Variants in IGSF22 observed in about 807,000 individuals in gnomAD.
The protein encoded by IGSF22 is immunoglobulin superfamily, member 22.
In IGSF22, 119 loss-of-function variants were observed where a neutral mutation model predicts 127.0. That is an observed-to-expected ratio of 0.94 (90% CI 0.81 to 1.09). The LOEUF (loss-of-function observed/expected upper bound fraction) is 1.09, where lower values mean the gene tolerates loss of function less well. Among genes scored for constraint, IGSF22 ranks in the 50% least tolerant of loss-of-function variants. The probability of loss-of-function intolerance (pLI) is 0.00; values close to 1 mark genes in which losing one functional copy is unlikely to be tolerated. For synonymous variants in IGSF22, 568 were observed against 664.7 expected, an observed-to-expected ratio of 0.85 and a Z score of 2.24; for missense variants, 1,518 against 1,716.6, an observed-to-expected ratio of 0.88 and a Z score of 2.04.
chr11:18,718,770 C>T, intron 7 of IGSF22, 42 bp from the exon 8 acceptor site: 3 of 1,202,032 alleles, frequency 2.5e-6, no homozygotes, highest in Non-Finnish European at 3.7e-6. Flanking sequence ...TCAGTGGTAC[C>T]CAAAGCCTGC....
At chr11:18,724,376 A>C (rs1351083059) in intron 1 of IGSF22, 107 bp from the exon 2 acceptor site, 1 of 596,618 alleles carries the variant, frequency 1.7e-6, no homozygotes, top group Non-Finnish European at 3.0e-6. Context: ...CACACAGGAG[A>C]GGGCCAGGAG....
intron 19 of IGSF22, 31 bp from the exon 20 acceptor site, chr11:18,708,027 T>A: frequency 2.5e-6 from 4 of 1,611,110 alleles, no homozygotes; most frequent in Non-Finnish European, 3.4e-6. Flanking sequence ...GCACAACTGG[T>A]CACACAGATG....
rs1351528718 is a variant in IGSF22, at chr11:18,719,714, A to G, written c.696+2T>C. 3 of 1,613,664 alleles carry G rather than the reference A, an allele frequency of 1.9e-6. No homozygotes were observed. Among genetic ancestry groups the G allele is most frequent in the African/African-American group, 2.7e-5 (2 of 74,824 alleles). ...GGCCCCTGCTCCCTGCAGGGTACTT[A>G]CCTCCACCTCTACTTTCTTCTTCAT... is the stretch of plus-strand genomic sequence containing the variant. On this transcript the variant is annotated splice_donor_variant, in intron 7 of 22. Coordinates refer to ENST00000513874, the MANE Select transcript of IGSF22 (RefSeq NM_173588.4). LOFTEE classifies it high-confidence loss of function.
In IGSF22 at chr11:18,720,060, T is replaced by A. The variant is rs1564875768; in HGVS notation, c.518+4A>T. The A allele has an allele frequency of 6.2e-7, 1 of 1,614,054 alleles. No individual in the cohort carries two copies. Among genetic ancestry groups the A allele is most frequent in the African/African-American group, 1.3e-5 (1 of 75,066 alleles). On this transcript the variant is annotated splice_donor_region_variant and intron_variant, in intron 6 of 22. Coordinates refer to ENST00000513874, the MANE Select transcript of IGSF22 (RefSeq NM_173588.4). ...TCTTGGGCAGAAGGACCTGCCAGCC[T>A]CACCTCTTCTTCAGCATCTTTTTGA...
Position 18,714,293 on chromosome 11 carries a change from GGCTTCACTTTCCGT to G in IGSF22, c.1768_1781del (p.Thr590LeufsTer79). The G allele has an allele frequency of 6.2e-7, 1 of 1,613,896 alleles. No individual in the cohort carries two copies. Among genetic ancestry groups the G allele is most frequent in the Non-Finnish European group, 8.5e-7 (1 of 1,179,892 alleles). ...GATCCATACCTGCGATGAATACAGAGGCTTCACTTTCCGTGCCCTTGGCCCGGAATGTGTACTTG... is the reference window on the plus strand; with the variant it reads ...GATCCATACCTGCGATGAATACAGAGGCCCTTGGCCCGGAATGTGTACTTG... On this transcript the variant is annotated frameshift_variant, in exon 13 of 23. Transcript: ENST00000513874. LOFTEE classifies it high-confidence loss of function.
rs1214994519 is a variant in IGSF22, at chr11:18,715,746, C to T, written c.1247-30G>A. The T allele has an allele frequency of 8.8e-6, 14 of 1,583,618 alleles. 1 individual carries two copies. In the East Asian group the frequency reaches 3.2e-4, roughly 36 times the overall value. On this transcript the variant is annotated intron_variant, in intron 10 of 22. Transcript: ENST00000513874. ...GGACAGACAGACACTTGGGCCTGCT[C>T]CCAAACCACGACATCTTTTTTCTGC... is the stretch of plus-strand genomic sequence containing the variant.
chr11:18,713,416 G>A, intron 14 of IGSF22, among the ~76,000 whole-genome samples: 1 of 152,170 alleles, frequency 6.6e-6, no homozygotes, highest in Middle Eastern at 3.2e-3. Context: ...GACCCCCAAA[G>A]TGCTGGGATT....
Position 18,716,782 on chromosome 11 carries a change from C to T in IGSF22, c.1192G>A (p.Glu398Lys), listed in dbSNP as rs61886891. The change falls in exon 10 of 23, where the codon GAG becomes AAG. Residue 398 changes from glutamate to lysine, a missense_variant. Physicochemically the swap from Glu to Lys is moderately conservative, Grantham distance 56. Transcript: ENST00000513874. This position sits in a 1 kb window ranked among gnomAD's most constrained non-coding sequence, Gnocchi z 4.5. ...IKDARLSDSG[E>K]FSAEAGNLVQ... is the part of the protein sequence containing the mutation. The stretch of plus-strand genomic sequence containing the variant: ...AGGTTCCCCGCCTCAGCAGAGAACT[C>T]GCCGCTGTCACTGAGTCTGGCATCC... 0.18 allele frequency: 290,488 copies of T among 1,614,016 alleles called. 27,634 individuals carry two copies. The highest frequency in any genetic ancestry group is 0.28 in the Middle Eastern group (1,684 of 6,062).
At position 18,722,014 on chromosome 11, in the gene IGSF22, C is replaced by A; in HGVS notation, c.137G>T (p.Ser46Ile). ...CACTAAGCTGAAGAACTCCACTATG[C>A]TCGAGGACTTCCTCCTCACGACCTC... ...GEEVVRRKSS[S>I]IVEFFSLVTR... Residue 46 changes from serine to isoleucine, a missense_variant, in exon 3 of 23, where the codon AGC becomes ATC. Transcript: ENST00000513874. 6.2e-7 allele frequency: 1 copy of A among 1,614,076 alleles called. No homozygotes were observed. The highest frequency in any genetic ancestry group is 8.5e-7 in the Non-Finnish European group (1 of 1,180,030).
intron 2 of IGSF22, 109 bp from the exon 3 acceptor site, chr11:18,722,150 T>C: frequency 7.4e-7 from 1 of 1,342,722 alleles, no homozygotes; most frequent in African/African-American, 1.4e-5. Context: ...CAAAGAGCAT[T>C]TAGGGAAGTG....
intron 22 of IGSF22, chr11:18,705,493 C>T: frequency 2.8e-6 from 1 of 350,916 alleles, no homozygotes; most frequent in African/African-American, 2.1e-5. Flanking sequence ...CAGAACCGTG[C>T]CAGAGAGATC....
rs1162742735 is a variant in IGSF22, at chr11:18,708,189, G to A, written c.3087+18C>T. The stretch of plus-strand genomic sequence containing the variant: ...TTATGTGGACAGTGTATGGAGGTCA[G>A]GGTCAGGGACAACTCACAGAGAAGG... On this transcript the variant is annotated intron_variant, in intron 19 of 22. Coordinates refer to ENST00000513874, the MANE Select transcript of IGSF22 (RefSeq NM_173588.4). 1 of 1,538,022 alleles carries A rather than the reference G, an allele frequency of 6.5e-7. No homozygotes were observed. Among genetic ancestry groups the A allele is most frequent in the Non-Finnish European group, 8.8e-7 (1 of 1,140,002 alleles).
At chr11:18,706,744 C>A in intron 21 of IGSF22, 170 bp downstream of exon 21, 1 of 598,790 alleles carries the variant, frequency 1.7e-6, no homozygotes, top group African/African-American at 1.9e-5. Context: ...CCCCTAAGTA[C>A]CCCGAAGAAA....
intron 15 of IGSF22, among the ~76,000 whole-genome samples, chr11:18,711,148 A>AC (rs1188531275): frequency 6.6e-6 from 1 of 152,182 alleles, no homozygotes; most frequent in Admixed American, 6.5e-5. Context: ...ACAAAACAAA[A>AC]AAAAAACCAC....
chr11:18,704,602 G>A, intron 22 of IGSF22, 64 bp from the exon 23 acceptor site: 3 of 1,045,482 alleles, frequency 2.9e-6, no homozygotes, highest in Non-Finnish European at 4.3e-6. Context: ...ATTCCAAACT[G>A]CTGGACTTCC....
Position 18,704,333 on chromosome 11 carries a change from C to G in IGSF22, c.*135G>C. The G allele has an allele frequency of 1.5e-6, 1 of 667,328 alleles. No homozygotes were observed. The highest frequency in any genetic ancestry group is 2.4e-5 in the Admixed American group (1 of 42,044). The allele number at this position is 667,328 out of a possible 1,614,324, so 41.3% of individuals were successfully genotyped here. On this transcript the variant is annotated 3_prime_UTR_variant, in exon 23 of 23. Transcript: ENST00000513874. ...GGGAAAGGATGAGTTACGTTTATTG[C>G]CCCATCCCTTCACTGAATGTTTACA...
At position 18,712,293 on chromosome 11, in the gene IGSF22, A is replaced by T; in HGVS notation, c.2187T>A (p.Gly729=). The T allele has an allele frequency of 6.4e-7, 1 of 1,551,666 alleles. No individual in the cohort carries two copies. Among genetic ancestry groups the T allele is most frequent in the Non-Finnish European group, 8.7e-7 (1 of 1,146,976 alleles). ...HMKWKAPKDN[G]GRPVTQFIVE... ...CTATGAACTGTGTCACAGGTCGTCCACCATTGTCCTTTGGGGCCTTCCACT... is the reference window on the plus strand; with the variant it reads ...CTATGAACTGTGTCACAGGTCGTCCTCCATTGTCCTTTGGGGCCTTCCACT... Residue 729 remains glycine (G), a synonymous_variant, in exon 15 of 23, where the codon GGT becomes GGA. Transcript: ENST00000513874.
chr11:18,721,771 G>A, intron 3 of IGSF22, 100 bp from the exon 4 acceptor site: 1 of 1,589,222 alleles, frequency 6.3e-7, no homozygotes, highest in Non-Finnish European at 8.6e-7. Context: ...ACCTGGGCCT[G>A]GCCCCGGGCA....
At chr11:18,707,653 G>A (rs1319668261) in intron 20 of IGSF22, 151 bp downstream of exon 20, 1 of 648,352 alleles carries the variant, frequency 1.5e-6, no homozygotes, top group South Asian at 2.0e-5. Flanking sequence ...ACCATACTCT[G>A]TATGATAAAG....
Sources: allele counts gnomAD v4.1 joint callset (sites outside exome capture counted in the v4.1 genomes callset), GRCh38; gene constraint gnomAD v4.1.1; non-coding constraint Gnocchi (gnomAD v3.1); transcripts MANE v1.5; gene names NCBI Gene and HGNC (gene_info 2026-07-23, HGNC 2026-07-21).